Variants in PIGB observed in about 807,000 individuals in gnomAD.
PIGB encodes the protein GPI alpha-1,2-mannosyltransferase 3.
A neutral mutation model predicts 68.4 loss-of-function variants in PIGB; 58 were observed. The observed-to-expected ratio is 0.85, with a 90% confidence interval of 0.69 to 1.06. The LOEUF (loss-of-function observed/expected upper bound fraction) is 1.06, where lower values mean the gene tolerates loss of function less well. PIGB is among the 50% of genes least tolerant of loss of function. The probability of loss-of-function intolerance (pLI) is 0.00; values close to 1 mark genes in which losing one functional copy is unlikely to be tolerated. For synonymous variants in PIGB, 219 were observed against 220.5 expected, an observed-to-expected ratio of 0.99 and a Z score of 0.06; for missense variants, 634 against 655.8, an observed-to-expected ratio of 0.97 and a Z score of 0.36.
chr15:55,354,702 A>G, intron 10 of PIGB, 96 bp from the exon 11 acceptor site: 1 of 914,624 alleles, frequency 1.1e-6, no homozygotes, highest in South Asian at 1.9e-5. Context: ...ACAGATTCAG[A>G]TTTCACATTT....
intron 4 of PIGB, among the ~76,000 whole-genome samples, chr15:55,329,058 G>A (rs1413165446): frequency 1.3e-5 from 2 of 152,182 alleles, no homozygotes; most frequent in African/African-American, 4.8e-5. Flanking sequence ...TTGGTGAGAT[G>A]GGAAGCTAGT....
intron 9 of PIGB, among the ~76,000 whole-genome samples, chr15:55,344,185 A>G (rs553159935): frequency 6.6e-6 from 1 of 152,354 alleles, no homozygotes; most frequent in East Asian, 1.9e-4. Flanking sequence ...TTACAGGTCT[A>G]CATTTCAACT....
chr15:55,341,097 C>T (rs1009509451), intron 8 of PIGB, among the ~76,000 whole-genome samples: 2 of 151,310 alleles, frequency 1.3e-5, no homozygotes, highest in Non-Finnish European at 2.9e-5. Flanking sequence ...CACAGTTGCT[C>T]ATGCCTGTAA....
chr15:55,338,205 G>A (rs1244028832), intron 6 of PIGB, among the ~76,000 whole-genome samples: 1 of 152,172 alleles, frequency 6.6e-6, no homozygotes, highest in African/African-American at 2.4e-5. Context: ...CAGTCTCTGA[G>A]ATGGCCTCCA....
At chr15:55,339,181 A>G in intron 6 of PIGB, 86 bp from the exon 7 acceptor site, 6 of 873,302 alleles carry the variant, frequency 6.9e-6, no homozygotes, top group Non-Finnish European at 1.1e-5. Flanking sequence ...GTGGCTTTTG[A>G]TGCAAGGCAC....
chr15:55,320,210 T>C (rs2055130827), intron 1 of PIGB, 65 bp from the exon 2 acceptor site: 1 of 1,523,546 alleles, frequency 6.6e-7, no homozygotes, highest in African/African-American at 1.4e-5. Flanking sequence ...CAGCAGATTT[T>C]AAGTTTTGCA....
In PIGB at chr15:55,355,300, C is replaced by T. The variant is rs879775251; in HGVS notation, c.1533C>T (p.Phe511=). Residue 511 remains phenylalanine, a synonymous_variant, in exon 12 of 12, where the codon TTC becomes TTT. Transcript: ENST00000164305. ...FSILEEEISA[F]LISSNYKRTA... ...TTTGCTTCTAGGAAATAAGCGCTTT[C>T]CTAATTTCAAGCAATTATAAAAGAA... 3 of 1,608,428 alleles carry T rather than the reference C, an allele frequency of 1.9e-6. No homozygotes were observed. The highest frequency in any genetic ancestry group is 1.7e-5 in the Admixed American group (1 of 59,144).
chr15:55,319,388 G>A lies in PIGB; in HGVS notation c.138G>A (p.Gln46=). 2 of 1,552,682 alleles carry A rather than the reference G, an allele frequency of 1.3e-6. No individual in the cohort carries two copies. Among genetic ancestry groups the A allele is most frequent in the Non-Finnish European group, 8.7e-7 (1 of 1,147,452 alleles). The change falls in exon 1 of 12, where the codon CAG becomes CAA. Residue 46 remains glutamine, a synonymous_variant. Coordinates refer to ENST00000164305, the MANE Select transcript of PIGB (RefSeq NM_004855.5). The stretch of plus-strand genomic sequence containing the variant: ...AGTCTACCTTGTACTTCAACACCCA[G>A]GAGAAGAGCGCCAGGCGCCGCGGGG... The part of the protein sequence containing the change: ...KRKSTLYFNT[Q]EKSARRRGDL...
At chr15:55,353,437 C>T (rs954261875) in intron 10 of PIGB, among the ~76,000 whole-genome samples, 50 of 152,284 alleles carry the variant, frequency 3.3e-4, no homozygotes, top group African/African-American at 1.2e-3. Context: ...AAATAAACCT[C>T]CTGCATAATT....
intron 6 of PIGB, 57 bp downstream of exon 6, chr15:55,334,064 G>A (rs908001179): frequency 6.6e-5 from 85 of 1,293,304 alleles, no homozygotes; most frequent in South Asian, 8.1e-5. Flanking sequence ...CACAGATTAC[G>A]AACAAGATTT....
chr15:55,332,264 C>T (rs1375455863), intron 5 of PIGB, among the ~76,000 whole-genome samples: 1 of 152,070 alleles, frequency 6.6e-6, no homozygotes, highest in Non-Finnish European at 1.5e-5. Flanking sequence ...TGAGTCACTG[C>T]ACCCAGCCCC....
chr15:55,341,818 T>C lies in PIGB; in HGVS notation c.1123+16T>C. The C allele has an allele frequency of 1.6e-6, 2 of 1,234,766 alleles. No homozygotes were observed. Among genetic ancestry groups the C allele is most frequent in the Non-Finnish European group, 2.2e-6 (2 of 913,542 alleles). 76.5% of individuals were successfully genotyped at this position (1,234,766 alleles called of 1,614,324 possible). On this transcript the variant is annotated intron_variant, in intron 9 of 11. Coordinates refer to ENST00000164305, the MANE Select transcript of PIGB (RefSeq NM_004855.5). ...GTGTTCTGTGGTAAGTGCTTTTGTT[T>C]GTTATAGAAAATAAATTATATAGAA...
chr15:55,329,463 T>C (rs548319834), intron 4 of PIGB, among the ~76,000 whole-genome samples: 1 of 152,346 alleles, frequency 6.6e-6, no homozygotes, highest in East Asian at 1.9e-4. Flanking sequence ...AGTGGGATTT[T>C]AAATCAAATG....
At chr15:55,354,678 C>A in intron 10 of PIGB, 120 bp from the exon 11 acceptor site, 1 of 741,212 alleles carries the variant, frequency 1.3e-6, no homozygotes, top group Non-Finnish European at 2.1e-6. Flanking sequence ...CTTCACTTAA[C>A]TGCAACACAG....
At chr15:55,328,436 T>C (rs2055340009) in intron 4 of PIGB, among the ~76,000 whole-genome samples, 1 of 152,202 alleles carries the variant, frequency 6.6e-6, no homozygotes, top group Non-Finnish European at 1.5e-5. Flanking sequence ...AAGTAACCAA[T>C]TTAGCAACAT....
chr15:55,342,234 G>A (rs1272302278), intron 9 of PIGB, among the ~76,000 whole-genome samples: 1 of 152,156 alleles, frequency 6.6e-6, no homozygotes, highest in African/African-American at 2.4e-5. Flanking sequence ...AAAGTAACAT[G>A]TCTGTTTTTA....
At chr15:55,334,933 A>T (rs965277480) in intron 6 of PIGB, among the ~76,000 whole-genome samples, 1 of 152,118 alleles carries the variant, frequency 6.6e-6, no homozygotes, top group African/African-American at 2.4e-5. Context: ...TTGGCCAGCT[A>T]GTCTCAAACT....
intron 5 of PIGB, among the ~76,000 whole-genome samples, chr15:55,333,622 C>T (rs1203115460): frequency 6.6e-6 from 1 of 152,158 alleles, no homozygotes; most frequent in Non-Finnish European, 1.5e-5. Context: ...ATCCCAGCTA[C>T]TCGGGATGCT....
rs779756297 is a variant in PIGB, at chr15:55,333,914, C to T, written c.701C>T (p.Thr234Ile). ...LVALAFIIRP[T>I]AVILWTPLLF... ...GCACTTGCCTTCATAATTCGTCCCACAGCTGTCATTCTGTGGACACCTTTG... is the reference window on the plus strand; with the variant it reads ...GCACTTGCCTTCATAATTCGTCCCATAGCTGTCATTCTGTGGACACCTTTG... The change falls in exon 6 of 12, where the codon ACA becomes ATA. Residue 234 changes from threonine (T) to isoleucine (I), a missense_variant. By Grantham distance (89) the Thr-to-Ile change is moderately conservative. Transcript: ENST00000164305. The T allele has an allele frequency of 1.9e-6, 3 of 1,608,786 alleles. No individual in the cohort carries two copies. In the Admixed American group the frequency reaches 5.1e-5, roughly 27 times the overall value.
Sources: gnomAD v4.1 joint callset for allele counts (sites outside exome capture counted in the v4.1 genomes callset) on GRCh38, gnomAD v4.1.1 for gene constraint, MANE v1.5 for transcripts, NCBI Gene and HGNC (gene_info 2026-07-23, HGNC 2026-07-21) for gene names.